DEF8: variants seen among roughly 807,000 people sequenced by gnomAD.
DEF8 encodes differentially expressed in FDCP 8 homolog.
In DEF8, 38 loss-of-function variants were observed where a neutral mutation model predicts 59.1. That is an observed-to-expected ratio of 0.64 (90% CI 0.50 to 0.84). The LOEUF is 0.84. Among genes scored for constraint, DEF8 ranks in the 40% least tolerant of loss-of-function variants. The pLI is 0.00. For missense variants in DEF8, 557 were observed against 615.2 expected (o/e 0.91, Z 1.00); for synonymous variants, 265 against 250.1 (o/e 1.06, Z -0.56).
Position 89,964,015 on chromosome 16 carries a change from T to A in DEF8, c.1003-155T>A, listed in dbSNP as rs186139404. Reference sequence around the variant, plus strand: ...CCCGGGTCCATCTTCCCCTGTCGGCTTCCTGGGGCTCCTGGATTCTACTCC... The same window carrying A: ...CCCGGGTCCATCTTCCCCTGTCGGCATCCTGGGGCTCCTGGATTCTACTCC... On this transcript the variant is annotated intron_variant, in intron 10 of 12. Transcript: ENST00000563594. The A allele has an allele frequency of 2.1e-5, 22 of 1,027,476 alleles. No homozygotes were observed. The East Asian group carries it at 5.0e-4, about 24-fold the overall frequency. The allele number at this position is 1,027,476 out of a possible 1,614,324, so 63.6% of individuals were successfully genotyped here.
Position 89,964,308 on chromosome 16 carries a change from G to T in DEF8, c.1141G>T (p.Glu381Ter). Residue 381 changes from glutamate to a stop codon, truncating the protein, a stop_gained and splice_region_variant, in exon 11 of 13, where the codon GAG (glutamate) becomes TAG (stop). Transcript: ENST00000563594. LOFTEE classifies it high-confidence loss of function. ...LFAKHIKLDC[E>*]RCQAKGFVCE... ...CGCCAAGCACATCAAGCTGGACTGC[G>T]AGGTGGGCCTCTGCCCGAGGGCCGC... 6.3e-7 allele frequency: 1 copy of T among 1,585,782 alleles called. No homozygotes were observed.
chr16:89,961,773 C>T lies in DEF8; in HGVS notation c.716C>T (p.Thr239Ile). 1 of 1,613,550 alleles carries T rather than the reference C, an allele frequency of 6.2e-7. No individual in the cohort carries two copies. The highest frequency in any genetic ancestry group is 8.5e-7 in the Non-Finnish European group (1 of 1,179,974). The change falls in exon 8 of 13, where the codon ACC becomes ATC. Residue 239 changes from threonine (T) to isoleucine (I), a missense_variant. Thr to Ile is a moderately conservative substitution (Grantham distance 89). Coordinates refer to ENST00000563594, the MANE Select transcript of DEF8 (RefSeq NM_001242818.2). The stretch of plus-strand genomic sequence containing the variant: ...AGTGAGGCCAGGCAGTGCGACTACA[C>T]CGGCCAGTACTACTGCAGCCACTGC... ...VPSEARQCDY[T>I]GQYYCSHCHW...
intron 4 of DEF8, among the ~76,000 whole-genome samples, chr16:89,955,710 T>A (rs1280320433): frequency 6.6e-6 from 1 of 152,168 alleles, no homozygotes; most frequent in East Asian, 1.9e-4. Context: ...CACTCTTGTT[T>A]GTTCCGTGTT....
At chr16:89,949,061 G>C (rs1434833839) in intron 1 of DEF8, among the ~76,000 whole-genome samples, 1 of 71,800 alleles carries the variant, frequency 1.4e-5, no homozygotes, top group Non-Finnish European at 2.7e-5. Flanking sequence ...GGGGCTGGGA[G>C]GGACGGGGCC....
Position 89,961,743 on chromosome 16 carries a change from T to A in DEF8, c.686T>A (p.Val229Glu). Residue 229 changes from valine (V) to glutamate (E), a missense_variant, in exon 8 of 13, where the codon GTG becomes GAG. By Grantham distance (121) the Val-to-Glu change is moderately radical. Transcript: ENST00000563594. ...GGCCCCTCTGACCCTGCAGGGGGTG[T>A]GCCCAGTGAGGCCAGGCAGTGCGAC... is the stretch of plus-strand genomic sequence containing the variant. ...ECRAPISLRG[V>E]PSEARQCDYT... The A allele has an allele frequency of 6.2e-7, 1 of 1,613,308 alleles. No homozygotes were observed. Among genetic ancestry groups the A allele is most frequent in the South Asian group, 1.1e-5 (1 of 91,068 alleles).
At chr16:89,957,334 T>G in intron 4 of DEF8, 177 bp from the exon 5 acceptor site, 1 of 632,844 alleles carries the variant, frequency 1.6e-6, no homozygotes, top group Non-Finnish European at 2.6e-6. Context: ...CGGGTGGACC[T>G]TGACCGTGCT....
intron 8 of DEF8, 33 bp from the exon 9 acceptor site, chr16:89,961,979 G>C (rs1368207164): frequency 6.2e-7 from 1 of 1,611,704 alleles, no homozygotes; most frequent in South Asian, 1.1e-5. Flanking sequence ...CCCTGGGTGG[G>C]TGTGAGAGGT....
chr16:89,951,358 C>T (rs2032034710), intron 2 of DEF8, among the ~76,000 whole-genome samples: 1 of 152,062 alleles, frequency 6.6e-6, no homozygotes, highest in Non-Finnish European at 1.5e-5. Flanking sequence ...GATTCTCCTG[C>T]CTCAGCCTCC....
In DEF8 at chr16:89,954,680, G is replaced by A. The variant is rs1196123552; in HGVS notation, c.124+304G>A. ...GCGGTCAGCGCTGAGACCTGGTAAGGGAGAGGTTAGCCGAGGGAACGTGCT... is the reference window on the plus strand; with the variant it reads ...GCGGTCAGCGCTGAGACCTGGTAAGAGAGAGGTTAGCCGAGGGAACGTGCT... On this transcript the variant is annotated intron_variant, in intron 3 of 12. Transcript: ENST00000563594. The surrounding 1 kb of genome is among the most constrained non-coding windows in gnomAD (Gnocchi z 4.3). Among the ~76,000 whole-genome samples, 1 of 152,198 alleles carries A rather than the reference G, an allele frequency of 6.6e-6. No individual in the cohort carries two copies. The highest frequency in any genetic ancestry group is 1.5e-5 in the Non-Finnish European group (1 of 68,020).
chr16:89,962,246 C>T, intron 9 of DEF8, 121 bp downstream of exon 9: 3 of 868,296 alleles, frequency 3.5e-6, no homozygotes, highest in East Asian at 2.7e-5. Flanking sequence ...GGGAGGCCAC[C>T]TGCTTAGGGT....
intron 2 of DEF8, among the ~76,000 whole-genome samples, chr16:89,950,743 G>A (rs2031885508): frequency 6.6e-6 from 1 of 152,162 alleles, no homozygotes; most frequent in South Asian, 2.1e-4. Context: ...AATTTGGGAG[G>A]CAGAGGCAGG....
Position 89,961,713 on chromosome 16 carries a change from C to T in DEF8, c.680-24C>T, listed in dbSNP as rs1415779132. 9.3e-6 allele frequency: 15 copies of T among 1,611,618 alleles called. No homozygotes were observed. In the Admixed American group the frequency reaches 1.8e-4, roughly 20 times the overall value. The stretch of plus-strand genomic sequence containing the variant: ...GTGGGGTTTTTGTGAGGCAGGGACA[C>T]TCAGGGCCCCTCTGACCCTGCAGGG... On this transcript the variant is annotated intron_variant, in intron 7 of 12. Coordinates refer to ENST00000563594, the MANE Select transcript of DEF8 (RefSeq NM_001242818.2).
rs1054279988 is a variant in DEF8 at position 89,958,983 on chromosome 16, T to G, written c.373-31T>G. The G allele has an allele frequency of 7.5e-6, 12 of 1,604,882 alleles. No homozygotes were observed. The African/African-American group carries it at 1.5e-4, about 20-fold the overall frequency. On this transcript the variant is annotated intron_variant, in intron 5 of 12. Coordinates refer to ENST00000563594, the MANE Select transcript of DEF8 (RefSeq NM_001242818.2). Reference sequence around the variant, plus strand: ...GAAAGGAACTTCAGCCCAGCTCACCTGTGACCCCCTCCCTGACTCACCCTC... The same window carrying G: ...GAAAGGAACTTCAGCCCAGCTCACCGGTGACCCCCTCCCTGACTCACCCTC...
Position 89,964,302 on chromosome 16 carries a change from G to T in DEF8, c.1135G>T (p.Asp379Tyr). ...GCTCTTCGCCAAGCACATCAAGCTG[G>T]ACTGCGAGGTGGGCCTCTGCCCGAG... ...HTLFAKHIKL[D>Y]CERCQAKGFV... Residue 379 changes from aspartate (D) to tyrosine (Y), a missense_variant, in exon 11 of 13, where the codon GAC (aspartate) becomes TAC (tyrosine). By Grantham distance (160) the Asp-to-Tyr change is radical. Transcript: ENST00000563594. The T allele has an allele frequency of 6.3e-7, 1 of 1,590,288 alleles. No individual in the cohort carries two copies. The highest frequency in any genetic ancestry group is 8.6e-7 in the Non-Finnish European group (1 of 1,168,346).
In DEF8 at chr16:89,963,910, G is replaced by A. The variant is rs1242437595; in HGVS notation, c.1003-260G>A. ...GGGTGGGGAATGTGGGAAGCGTGGG[G>A]AGTGCGGGGATGCGGTGTGGCTGGG... On this transcript the variant is annotated intron_variant, in intron 10 of 12. Transcript: ENST00000563594. The A allele has an allele frequency of 5.2e-6, 3 of 579,164 alleles. No individual in the cohort carries two copies. The East Asian group carries it at 9.2e-5, about 18-fold the overall frequency. The allele number at this position is 579,164 out of a possible 1,614,324, so 35.9% of individuals were successfully genotyped here. A position where few individuals can be genotyped will look rare whatever the true frequency, so the allele number is the denominator to read the frequency against.
At chr16:89,955,476 C>T (rs1005461848) in intron 4 of DEF8, among the ~76,000 whole-genome samples, 1 of 152,194 alleles carries the variant, frequency 6.6e-6, no homozygotes, top group Non-Finnish European at 1.5e-5. Context: ...CAGACCCCCA[C>T]CCTCAGAGCC....
intron 2 of DEF8, 177 bp downstream of exon 2, chr16:89,949,690 C>A (rs774768716): frequency 6.6e-7 from 1 of 1,521,056 alleles, no homozygotes; most frequent in Non-Finnish European, 8.9e-7. Flanking sequence ...CTCCGTGCCC[C>A]GGAACCCCGC....
chr16:89,955,114 A>G, intron 3 of DEF8, 55 bp from the exon 4 acceptor site: 3 of 1,377,584 alleles, frequency 2.2e-6, no homozygotes, highest in Non-Finnish European at 3.1e-6. Context: ...TCCCTAGGGG[A>G]TGGGAGGCAG....
Position 89,948,890 on chromosome 16 carries a change from T to C in DEF8, c.-108+76T>C, listed in dbSNP as rs368097772. ...GGGGACGGGGCCGGCGGGGACGGGG[T>C]CGGCGGGGTCGGGGCTGGGAGGGAC... On this transcript the variant is annotated intron_variant, in intron 1 of 12. Coordinates refer to ENST00000563594, the MANE Select transcript of DEF8 (RefSeq NM_001242818.2). 209 of 43,268 alleles carry C rather than the reference T, an allele frequency of 4.8e-3. 7 individuals are homozygous for C. The highest frequency in any genetic ancestry group is 0.026 in the African/African-American group (64 of 2,442). 2.7% of individuals were successfully genotyped at this position (43,268 alleles called of 1,614,324 possible).
Sources: allele counts gnomAD v4.1 joint callset (sites outside exome capture counted in the v4.1 genomes callset), GRCh38; gene constraint gnomAD v4.1.1; non-coding constraint Gnocchi (gnomAD v3.1); transcripts MANE v1.5; gene names NCBI Gene and HGNC (gene_info 2026-07-23, HGNC 2026-07-21).